Variants in ST6GAL2 observed in about 807,000 individuals in gnomAD.
ST6GAL2 encodes beta-galactoside alpha-2,6-sialyltransferase 2.
ST6GAL2 carries 24 observed loss-of-function variants against 37.5 expected under a neutral mutation model. The observed-to-expected ratio is 0.64, with a 90% CI of 0.46 to 0.90. The LOEUF is 0.90. Among genes scored for constraint, ST6GAL2 ranks in the 40% least tolerant of loss-of-function variants. The pLI is 0.00. For missense variants in ST6GAL2, 715 were observed against 712.7 expected (o/e 1.00, Z -0.04); for synonymous variants, 306 against 295.1 (o/e 1.04, Z -0.38).
intron 1 of ST6GAL2, among the ~76,000 whole-genome samples, chr2:106,883,206 G>T (rs1255553967): frequency 6.6e-6 from 1 of 152,180 alleles, no homozygotes; most frequent in African/African-American, 2.4e-5. Flanking sequence ...TTCAATGGGA[G>T]GGGTGGGAGG....
At chr2:106,884,443 G>A (rs1241778443) in intron 1 of ST6GAL2, among the ~76,000 whole-genome samples, 1 of 152,038 alleles carries the variant, frequency 6.6e-6, no homozygotes, top group Non-Finnish European at 1.5e-5. Context: ...CTCACCAAAT[G>A]TTGGTCCTTG....
At chr2:106,831,032 A>G (rs1475766522) in intron 4 of ST6GAL2, among the ~76,000 whole-genome samples, 1 of 152,226 alleles carries the variant, frequency 6.6e-6, no homozygotes, top group African/African-American at 2.4e-5. Context: ...ATTTGGAGAG[A>G]GTAGGGAGAA....
At chr2:106,870,737 C>G (rs1005784082) in intron 1 of ST6GAL2, among the ~76,000 whole-genome samples, 1 of 152,198 alleles carries the variant, frequency 6.6e-6, no homozygotes, top group African/African-American at 2.4e-5. Context: ...AATACAGTCA[C>G]AGACCTTTCT....
At chr2:106,881,752 C>T (rs571357837) in intron 1 of ST6GAL2, among the ~76,000 whole-genome samples, 1 of 152,132 alleles carries the variant, frequency 6.6e-6, no homozygotes. Flanking sequence ...ATTTTTCTCT[C>T]GGGCTCAAAC....
intron 1 of ST6GAL2, among the ~76,000 whole-genome samples, chr2:106,853,848 G>C (rs1677469489): frequency 6.6e-6 from 1 of 152,186 alleles, no homozygotes; most frequent in Non-Finnish European, 1.5e-5. Context: ...ATTGTGCAGA[G>C]ACACAACACA....
At chr2:106,847,699 A>G (rs912934154) in intron 1 of ST6GAL2, among the ~76,000 whole-genome samples, 2 of 152,160 alleles carry the variant, frequency 1.3e-5, no homozygotes, top group Non-Finnish European at 2.9e-5. Flanking sequence ...AGGTTCGATA[A>G]TTTGCTAACA....
chr2:106,817,421 C>T (rs774747275), intron 5 of ST6GAL2, among the ~76,000 whole-genome samples: 9 of 152,218 alleles, frequency 5.9e-5, no homozygotes, highest in Non-Finnish European at 1.0e-4. Flanking sequence ...TCCTGAGGCC[C>T]CCATTCCAGG....
At chr2:106,886,356 G>A (rs1387226271), upstream of ST6GAL2, 5 of 152,206 alleles carry the variant, frequency 3.3e-5, no homozygotes, top group Admixed American at 3.3e-4. Flanking sequence ...GCAGGCTCGA[G>A]TCCTCCTCCT....
intron 1 of ST6GAL2, among the ~76,000 whole-genome samples, chr2:106,867,939 A>C (rs1478828772): frequency 1.3e-5 from 2 of 152,200 alleles, no homozygotes; most frequent in Non-Finnish European, 2.9e-5. Flanking sequence ...AGTTAAATCA[A>C]TCATAAGTCA....
chr2:106,837,571 C>G (rs1426290726), intron 2 of ST6GAL2, among the ~76,000 whole-genome samples: 1 of 152,172 alleles, frequency 6.6e-6, no homozygotes, highest in Non-Finnish European at 1.5e-5. Context: ...TGAGAGGAGA[C>G]TCCACCAGCG....
intron 2 of ST6GAL2, among the ~76,000 whole-genome samples, chr2:106,838,877 AAC>A (rs1005554213): frequency 1.3e-5 from 2 of 151,946 alleles, no homozygotes; most frequent in African/African-American, 4.8e-5. Context: ...CTCTACTAAA[AAC>A]ACAAAAATTA....
intron 4 of ST6GAL2, among the ~76,000 whole-genome samples, chr2:106,831,856 T>C (rs761728178): frequency 6.6e-6 from 1 of 152,178 alleles, no homozygotes; most frequent in Non-Finnish European, 1.5e-5. Flanking sequence ...AAGACGCTCA[T>C]TTACAGAACT....
intron 1 of ST6GAL2, among the ~76,000 whole-genome samples, chr2:106,856,197 G>C (rs1307973121): frequency 1.3e-5 from 2 of 152,240 alleles, no homozygotes; most frequent in Non-Finnish European, 1.5e-5. Flanking sequence ...GCTCTGCTGT[G>C]TGCCTGCAGG....
At chr2:106,882,263 G>T (rs745988650) in intron 1 of ST6GAL2, among the ~76,000 whole-genome samples, 4 of 152,174 alleles carry the variant, frequency 2.6e-5, no homozygotes, top group African/African-American at 4.8e-5. Flanking sequence ...ACAATTACAG[G>T]AGTTGTCATT....
At chr2:106,878,741 A>G (rs1427684099) in intron 1 of ST6GAL2, among the ~76,000 whole-genome samples, 1 of 152,204 alleles carries the variant, frequency 6.6e-6, no homozygotes, top group Admixed American at 6.5e-5. Flanking sequence ...ATGCCATTTT[A>G]TATCAGGGAC....
chr2:106,880,219 C>T (rs1430807757), intron 1 of ST6GAL2, among the ~76,000 whole-genome samples: 2 of 151,820 alleles, frequency 1.3e-5, no homozygotes, highest in African/African-American at 4.8e-5. Flanking sequence ...AATTATTTTG[C>T]CTATGTCTAT....
At chr2:106,842,391 T>C (rs1235674876) in intron 2 of ST6GAL2, among the ~76,000 whole-genome samples, 1 of 152,208 alleles carries the variant, frequency 6.6e-6, no homozygotes, top group African/African-American at 2.4e-5. Flanking sequence ...AGAAGGTCCC[T>C]GGTAGGTGCA....
intron 1 of ST6GAL2, among the ~76,000 whole-genome samples, chr2:106,860,361 G>C (rs1023802424): frequency 4.6e-5 from 7 of 152,222 alleles, no homozygotes; most frequent in African/African-American, 1.7e-4. Context: ...AGGAGATTGA[G>C]GAGGAAATGC....
At chr2:106,817,304 G>A (rs1452554828) in intron 5 of ST6GAL2, among the ~76,000 whole-genome samples, 1 of 152,210 alleles carries the variant, frequency 6.6e-6, no homozygotes, top group Non-Finnish European at 1.5e-5. Context: ...ACCTCTGGAA[G>A]AGACTCCTTC....
Sources: gnomAD v4.1 joint callset for allele counts (sites outside exome capture counted in the v4.1 genomes callset) on GRCh38, gnomAD v4.1.1 for gene constraint, MANE v1.5 for transcripts, NCBI Gene and HGNC (gene_info 2026-07-23, HGNC 2026-07-21) for gene names.